ARRB1: variants seen among roughly 807,000 people sequenced by gnomAD.
ARRB1 encodes arrestin beta 1.
ARRB1 carries 21 observed loss-of-function variants against 56.8 expected under a neutral mutation model. The observed-to-expected ratio is 0.37, with a 90% CI of 0.26 to 0.53. The LOEUF (loss-of-function observed/expected upper bound fraction) is 0.53. Among genes scored for constraint, ARRB1 ranks in the 20% least tolerant of loss-of-function variants. The probability of loss-of-function intolerance (pLI) is 0.88; values close to 1 mark genes in which losing one functional copy is unlikely to be tolerated. For missense variants in ARRB1, 424 were observed against 553.7 expected (o/e 0.77, Z 2.35); for synonymous variants, 210 against 218.6 (o/e 0.96, Z 0.35).
chr11:75,348,423 C>G lies in ARRB1; in HGVS notation c.20+3165G>C, dbSNP rs530195925. Among the ~76,000 whole-genome samples the G allele has an allele frequency of 1.5e-4, 23 of 152,262 alleles. 1 individual carries two copies. Among genetic ancestry groups the G allele is most frequent in the Admixed American group, 1.2e-3 (19 of 15,292 alleles). On this transcript the variant is annotated intron_variant, in intron 1 of 15. Coordinates refer to ENST00000420843, the MANE Select transcript of ARRB1 (RefSeq NM_004041.5). ...CACATGTCATCCTGCGTTATGACCA[C>G]CTGCTCTGCTCTAAATCCCTGGAGG...
intron 1 of ARRB1, among the ~76,000 whole-genome samples, chr11:75,311,202 G>A (rs1947148748): frequency 6.6e-6 from 1 of 152,190 alleles, no homozygotes; most frequent in Admixed American, 6.5e-5. Flanking sequence ...CTGGCGTGGT[G>A]GCACATGCCT....
chr11:75,269,979 G>A (rs935712017), intron 13 of ARRB1, among the ~76,000 whole-genome samples: 1 of 152,252 alleles, frequency 6.6e-6, no homozygotes, highest in Non-Finnish European at 1.5e-5. Context: ...TTGTTGTCCA[G>A]AGCCCAGTTG....
chr11:75,304,294 T>C (rs531782186), intron 1 of ARRB1, among the ~76,000 whole-genome samples: 96 of 152,010 alleles, frequency 6.3e-4, no homozygotes, highest in Middle Eastern at 3.4e-3. Context: ...ACAGATCCAC[T>C]ATGGCAGCAT....
At chr11:75,281,773 GA>G (rs1249641328) in intron 6 of ARRB1, 188 bp downstream of exon 6, 2 of 619,292 alleles carry the variant, frequency 3.2e-6, no homozygotes, top group Non-Finnish European at 5.7e-6. Flanking sequence ...GAGTGAGGCT[GA>G]CCCCGTACCT....
chr11:75,271,842 C>T, intron 12 of ARRB1, 118 bp from the exon 13 acceptor site: 2 of 1,086,128 alleles, frequency 1.8e-6, no homozygotes, highest in Non-Finnish European at 2.6e-6. Context: ...ACCCACGGGA[C>T]ACACTCCCAC....
intron 1 of ARRB1, among the ~76,000 whole-genome samples, chr11:75,340,242 C>T (rs184007242): frequency 6.6e-6 from 1 of 152,244 alleles, no homozygotes; most frequent in African/African-American, 2.4e-5. Flanking sequence ...ATGAGGCTTC[C>T]CCGCTTTGCA....
At position 75,314,610 on chromosome 11, in the gene ARRB1, G is replaced by GT. The variant is rs5792685; in HGVS notation, c.21-24572dup. 2.7e-3 allele frequency among the ~76,000 whole-genome samples: 402 copies of GT among 151,094 alleles called. 4 individuals are homozygous for GT. The highest frequency in any genetic ancestry group is 9.3e-3 in the African/African-American group (382 of 41,186). On this transcript the variant is annotated intron_variant, in intron 1 of 15. Transcript: ENST00000420843. ...TGACTCTCGTCTCTAACAACAGCAC[G>GT]TTTTTTTTTCTTTGAAAAAAAACTT... is the stretch of plus-strand genomic sequence containing the variant.
chr11:75,346,141 C>T (rs1439256467), intron 1 of ARRB1, among the ~76,000 whole-genome samples: 3 of 152,086 alleles, frequency 2.0e-5, no homozygotes, highest in Admixed American at 1.3e-4. Flanking sequence ...TGCACCTTGG[C>T]CTAGGCTCTT....
At chr11:75,267,420 G>A (rs1490097624) in intron 15 of ARRB1, among the ~76,000 whole-genome samples, 1 of 152,178 alleles carries the variant, frequency 6.6e-6, no homozygotes, top group Non-Finnish European at 1.5e-5. Flanking sequence ...GTGCAAGGAC[G>A]AGGGAGGAAG....
At chr11:75,337,821 A>T (rs1947631198) in intron 1 of ARRB1, among the ~76,000 whole-genome samples, 1 of 89,812 alleles carries the variant, frequency 1.1e-5, no homozygotes, top group Non-Finnish European at 2.0e-5. Flanking sequence ...TTTTTTTGAG[A>T]CGGAGATTCA....
chr11:75,298,242 T>TAAA (rs34770388), intron 1 of ARRB1, among the ~76,000 whole-genome samples: 1 of 135,450 alleles, frequency 7.4e-6, no homozygotes, highest in Non-Finnish European at 1.6e-5. Context: ...AAAGTATAAT[T>TAAA]AAAAAAAAAA....
Position 75,347,006 on chromosome 11 carries a change from G to A in ARRB1, c.20+4582C>T, listed in dbSNP as rs567065584. On this transcript the variant is annotated intron_variant, in intron 1 of 15. Coordinates refer to ENST00000420843, the MANE Select transcript of ARRB1 (RefSeq NM_004041.5). ...TCTGGCAGTAGCGGAGCATGGCTGTGTAGAGGCCAGGACCTCACTTGGGGT... is the reference window on the plus strand; with the variant it reads ...TCTGGCAGTAGCGGAGCATGGCTGTATAGAGGCCAGGACCTCACTTGGGGT... Among the ~76,000 whole-genome samples the A allele has an allele frequency of 2.0e-5, 3 of 152,258 alleles. No homozygotes were observed. The East Asian group carries it at 5.8e-4, about 29-fold the overall frequency.
chr11:75,327,164 C>T (rs7123393), intron 1 of ARRB1, among the ~76,000 whole-genome samples: 90,704 of 150,644 alleles, frequency 0.6, 27,884 homozygotes, highest in African/African-American at 0.73. Flanking sequence ...TAGCTGGGCG[C>T]AGTGGCGGGT....
intron 1 of ARRB1, among the ~76,000 whole-genome samples, chr11:75,295,354 C>T (rs1946712907): frequency 6.6e-6 from 1 of 152,016 alleles, no homozygotes; most frequent in East Asian, 1.9e-4. Context: ...TTTCTGGAGG[C>T]TCAAGGGATG....
chr11:75,315,338 C>G (rs899918998), intron 1 of ARRB1, among the ~76,000 whole-genome samples: 1 of 152,128 alleles, frequency 6.6e-6, no homozygotes, highest in Non-Finnish European at 1.5e-5. Flanking sequence ...CCCCCACACC[C>G]ACATGGGCTA....
At chr11:75,287,578 C>T (rs1946511393) in intron 2 of ARRB1, among the ~76,000 whole-genome samples, 1 of 152,236 alleles carries the variant, frequency 6.6e-6, no homozygotes, top group South Asian at 2.1e-4. Flanking sequence ...AGCACCACTT[C>T]CTCCCAAAAC....
chr11:75,324,982 G>A (rs1211248465), intron 1 of ARRB1, among the ~76,000 whole-genome samples: 1 of 149,734 alleles, frequency 6.7e-6, no homozygotes, highest in African/African-American at 2.4e-5. Flanking sequence ...GCAGGTGTCA[G>A]AGACTCAGGC....
chr11:75,284,189 A>C, intron 4 of ARRB1, 46 bp downstream of exon 4: 1 of 1,563,460 alleles, frequency 6.4e-7, no homozygotes, highest in Non-Finnish European at 8.7e-7. Flanking sequence ...TCCGGGGGGA[A>C]GAGGAGGCGG....
At chr11:75,268,818 G>A (rs754060254) in intron 14 of ARRB1, 71 bp downstream of exon 14, 289 of 1,527,438 alleles carry the variant, frequency 1.9e-4, no homozygotes, top group Non-Finnish European at 2.4e-4. Context: ...AACCCGGGGC[G>A]GGGTGGGTTA....
Sources: allele counts gnomAD v4.1 joint callset (sites outside exome capture counted in the v4.1 genomes callset), GRCh38; gene constraint gnomAD v4.1.1; transcripts MANE v1.5; gene names NCBI Gene and HGNC (gene_info 2026-07-23, HGNC 2026-07-21).